COL25A1: variants seen among roughly 807,000 people sequenced by gnomAD.
The protein encoded by COL25A1 is collagen alpha-1(XXV) chain.
A neutral mutation model predicts 128.4 loss-of-function variants in COL25A1; 103 were observed. The ratio of observed to expected loss-of-function variants is 0.80; its 90% CI spans 0.68 to 0.94. COL25A1 has a LOEUF of 0.94. Ranked by LOEUF, COL25A1 falls within the 40% of genes least tolerant of loss-of-function variation. The probability of loss-of-function intolerance (pLI) is 0.00; values close to 1 mark genes in which losing one functional copy is unlikely to be tolerated. For missense variants in COL25A1, 745 were observed against 840.0 expected, an observed-to-expected ratio of 0.89 and a Z score of 1.40; for synonymous variants, 279 against 277.2, an observed-to-expected ratio of 1.01 and a Z score of -0.06.
In COL25A1 at chr4:109,205,894, T is replaced by C. The variant is rs80128505; in HGVS notation, c.367+94689A>G. On this transcript the variant is annotated intron_variant, in intron 3 of 37. Transcript: ENST00000399132. ...GTAATTTAATAACAATGCTTTAAGA[T>C]TGACCTAACCCCCAGATTCCATGAC... 9.6e-3 allele frequency among the ~76,000 whole-genome samples: 1,459 copies of C among 152,236 alleles called. 56 individuals carry two copies. The South Asian group carries it at 0.14, about 14-fold the overall frequency.
chr4:109,227,958 ACT>A (rs1778914899), intron 3 of COL25A1, among the ~76,000 whole-genome samples: 1 of 151,968 alleles, frequency 6.6e-6, no homozygotes, highest in Non-Finnish European at 1.5e-5. Context: ...CAATGGTGTA[ACT>A]CTCAAGCCAA....
In COL25A1 at chr4:108,957,952, A is replaced by G. The variant is rs934933031; in HGVS notation, c.492+16415T>C. Among the ~76,000 whole-genome samples, 6 of 152,296 alleles carry G rather than the reference A, an allele frequency of 3.9e-5. No homozygotes were observed. The South Asian group carries it at 6.2e-4, about 16-fold the overall frequency. ...AATGTGACCTCTTATATTACCCAAT[A>G]GTTTAAAACACTATAAGAAAAAAAA... is the stretch of plus-strand genomic sequence containing the variant. On this transcript the variant is annotated intron_variant, in intron 8 of 37. Coordinates refer to ENST00000399132, the MANE Select transcript of COL25A1 (RefSeq NM_198721.4).
At chr4:108,827,055 C>T in intron 33 of COL25A1, 80 bp downstream of exon 33, 1 of 1,249,120 alleles carries the variant, frequency 8.0e-7, no homozygotes. Flanking sequence ...GTCTGCCCCA[C>T]AAGCGAAGGG....
At chr4:109,072,716 G>A (rs1763071123) in intron 3 of COL25A1, among the ~76,000 whole-genome samples, 1 of 152,190 alleles carries the variant, frequency 6.6e-6, no homozygotes, top group Non-Finnish European at 1.5e-5. Context: ...AAGGCTCTGA[G>A]ATGACAACAC....
rs1450113085 is a variant in COL25A1 at position 108,812,580 on chromosome 4, AT to A, written c.*1346del. 2 of 152,204 alleles carry A rather than the reference AT, an allele frequency of 1.3e-5. No individual in the cohort carries two copies. The highest frequency in any genetic ancestry group is 2.9e-5 in the Non-Finnish European group (2 of 68,030). The allele number at this position is 152,204 out of a possible 1,614,324, so 9.4% of individuals were successfully genotyped here. A position where few individuals can be genotyped will look rare whatever the true frequency, so the allele number is the denominator to read the frequency against. Reference sequence around the variant, plus strand: ...TGACTACTGGAGCCAAATTATTATGATTTGAAGACTTCTTAAAAAAATTGTT... The same window carrying A: ...TGACTACTGGAGCCAAATTATTATGATTGAAGACTTCTTAAAAAAATTGTT... On this transcript the variant is annotated 3_prime_UTR_variant, in exon 38 of 38. Coordinates refer to ENST00000399132, the MANE Select transcript of COL25A1 (RefSeq NM_198721.4).
chr4:109,079,297 T>C (rs573705110), intron 3 of COL25A1, among the ~76,000 whole-genome samples: 8 of 152,352 alleles, frequency 5.3e-5, no homozygotes, highest in South Asian at 4.1e-4. Context: ...CATTGTTCTA[T>C]TGAAGAATAT....
At chr4:109,077,120 C>A (rs188910904) in intron 3 of COL25A1, among the ~76,000 whole-genome samples, 5 of 152,226 alleles carry the variant, frequency 3.3e-5, no homozygotes, top group African/African-American at 1.2e-4. Context: ...CTAATTGGCA[C>A]AACACCAAAC....
intron 5 of COL25A1, 42 bp from the exon 6 acceptor site, chr4:109,010,417 T>C (rs1309655004): frequency 2.1e-6 from 3 of 1,446,456 alleles, no homozygotes; most frequent in Non-Finnish European, 1.9e-6. Flanking sequence ...CAAAATTGTA[T>C]CCTAAGTGAA....
chr4:108,951,652 T>A (rs1365175854), intron 8 of COL25A1, among the ~76,000 whole-genome samples: 1 of 152,186 alleles, frequency 6.6e-6, no homozygotes, highest in Non-Finnish European at 1.5e-5. Context: ...TCCTAAAGCG[T>A]TGGGATTACA....
chr4:108,856,507 A>T (rs1198895735), intron 24 of COL25A1, among the ~76,000 whole-genome samples: 1 of 152,162 alleles, frequency 6.6e-6, no homozygotes, highest in Non-Finnish European at 1.5e-5. Flanking sequence ...TAGAAGAATA[A>T]ATGTCTACCA....
In COL25A1 at chr4:108,981,818, T is replaced by C. The variant is rs1753002709; in HGVS notation, c.439-7259A>G. On this transcript the variant is annotated intron_variant, in intron 6 of 37. Transcript: ENST00000399132. Reference sequence around the variant, plus strand: ...AATGCCTGCCCTACCAATAATATAATAGTAATTATCAAGTACACACTTAAT... The same window carrying C: ...AATGCCTGCCCTACCAATAATATAACAGTAATTATCAAGTACACACTTAAT... Among the ~76,000 whole-genome samples the C allele has an allele frequency of 2.6e-5, 4 of 152,202 alleles. No homozygotes were observed. In the South Asian group the frequency reaches 8.3e-4, roughly 32 times the overall value.
At chr4:108,967,795 AACT>A (rs1751486313) in intron 8 of COL25A1, among the ~76,000 whole-genome samples, 1 of 152,146 alleles carries the variant, frequency 6.6e-6, no homozygotes, top group Non-Finnish European at 1.5e-5. Context: ...TTCCTAGTCC[AACT>A]TTCTTATTCA....
intron 3 of COL25A1, among the ~76,000 whole-genome samples, chr4:109,294,550 T>C (rs1023236763): frequency 2.0e-5 from 3 of 152,094 alleles, no homozygotes; most frequent in Non-Finnish European, 4.4e-5. Context: ...CTAAATATCA[T>C]GGTGCGTTAA....
In COL25A1 at chr4:109,278,819, A is replaced by T. The variant is rs577401390; in HGVS notation, c.367+21764T>A. Among the ~76,000 whole-genome samples the T allele has an allele frequency of 2.6e-5, 4 of 152,306 alleles. No individual in the cohort carries two copies. In the East Asian group the frequency reaches 7.7e-4, roughly 29 times the overall value. Reference sequence around the variant, plus strand: ...AGGCTGTTCTAACAAAAATATCAAAAACTAGGTAGCTTATAAAATTAACTT... The same window carrying T: ...AGGCTGTTCTAACAAAAATATCAAATACTAGGTAGCTTATAAAATTAACTT... On this transcript the variant is annotated intron_variant, in intron 3 of 37. Coordinates refer to ENST00000399132, the MANE Select transcript of COL25A1 (RefSeq NM_198721.4).
chr4:109,091,586 A>G (rs1462977746), intron 3 of COL25A1, among the ~76,000 whole-genome samples: 2 of 152,188 alleles, frequency 1.3e-5, no homozygotes, highest in African/African-American at 4.8e-5. Flanking sequence ...ATAGTTCACC[A>G]TGCACAGCAA....
At chr4:109,237,273 A>G (rs937134697) in intron 3 of COL25A1, among the ~76,000 whole-genome samples, 1 of 152,118 alleles carries the variant, frequency 6.6e-6, no homozygotes, top group Admixed American at 6.6e-5. Flanking sequence ...GTGCTGAGGC[A>G]TAACTGCTCA....
intron 8 of COL25A1, among the ~76,000 whole-genome samples, chr4:108,943,588 A>G (rs1197341210): frequency 3.3e-5 from 5 of 152,178 alleles, no homozygotes; most frequent in African/African-American, 4.8e-5. Context: ...CTTCTGTCAC[A>G]TAACTTTTCC....
intron 3 of COL25A1, among the ~76,000 whole-genome samples, chr4:109,248,537 C>T (rs77484436): frequency 0.039 from 5,987 of 151,948 alleles, 405 homozygotes; most frequent in African/African-American, 0.14. Context: ...TCAGAAGTAT[C>T]CCACACAAAA....
At chr4:109,011,425 G>A (rs1017566816) in intron 5 of COL25A1, among the ~76,000 whole-genome samples, 1 of 105,452 alleles carries the variant, frequency 9.5e-6, no homozygotes, top group Admixed American at 1.0e-4. Flanking sequence ...AAATGTAGTT[G>A]GCAGGTCAAA....
Sources: gnomAD v4.1 joint callset for allele counts (sites outside exome capture counted in the v4.1 genomes callset) on GRCh38, gnomAD v4.1.1 for gene constraint, MANE v1.5 for transcripts, NCBI Gene and HGNC (gene_info 2026-07-23, HGNC 2026-07-21) for gene names.